Variants in LIPN observed in about 807,000 individuals in gnomAD.
The protein encoded by LIPN is lipase member N.
LIPN carries 32 observed loss-of-function variants against 43.7 expected under a neutral mutation model. The observed-to-expected ratio is 0.73, with a 90% confidence interval of 0.55 to 0.98. The LOEUF is 0.98. Among genes scored for constraint, LIPN ranks in the 50% least tolerant of loss-of-function variants. The probability of loss-of-function intolerance (pLI) is 0.00; values close to 1 mark genes in which losing one functional copy is unlikely to be tolerated. For missense variants in LIPN, 505 were observed against 483.8 expected (o/e 1.04, Z -0.41); for synonymous variants, 156 against 157.6 (o/e 0.99, Z 0.08).
In LIPN at chr10:88,770,959, T is replaced by C; in HGVS notation, c.787T>C (p.Trp263Arg). The change falls in exon 7 of 10, where the codon TGG (tryptophan) becomes CGG (arginine). Residue 263 changes from tryptophan (W) to arginine (R), a missense_variant. Trp to Arg is a moderately radical substitution (Grantham distance 101). Transcript: ENST00000404459. ...WLICSEFMSL[W>R]AGSNKKNMNQ... ...GATATGTAGCGAATTTATGTCCTTA[T>C]GGGCTGGATCCAACAAGAAAAATAT... 1.3e-6 allele frequency: 2 copies of C among 1,572,080 alleles called. No individual in the cohort carries two copies. The highest frequency in any genetic ancestry group is 1.7e-6 in the Non-Finnish European group (2 of 1,156,656).
intron 9 of LIPN, among the ~76,000 whole-genome samples, chr10:88,776,125 T>A (rs1034053900): frequency 6.6e-6 from 1 of 152,024 alleles, no homozygotes; most frequent in African/African-American, 2.4e-5. Flanking sequence ...AATCTAAATA[T>A]AGGACGTTTA....
chr10:88,775,231 G>A (rs1385140584), intron 9 of LIPN, 68 bp downstream of exon 9: 27 of 1,107,286 alleles, frequency 2.4e-5, no homozygotes, highest in South Asian at 4.5e-5. Context: ...ATTTGAGGGT[G>A]GAAAGACTCC....
chr10:88,771,051 T>C, intron 7 of LIPN, 60 bp downstream of exon 7: 1 of 1,335,744 alleles, frequency 7.5e-7, no homozygotes, highest in South Asian at 1.4e-5. Context: ...TTCCTTTGAC[T>C]CATTTTGATA....
intron 8 of LIPN, 21 bp from the exon 9 acceptor site, chr10:88,775,071 T>C (rs1843274393): frequency 1.3e-6 from 2 of 1,502,520 alleles, no homozygotes; most frequent in Non-Finnish European, 1.8e-6. Flanking sequence ...CTATTCTTTT[T>C]CTAAAAAACA....
At chr10:88,772,869 GAA>G (rs34954894) in intron 7 of LIPN, among the ~76,000 whole-genome samples, 4 of 140,440 alleles carry the variant, frequency 2.8e-5, no homozygotes, top group African/African-American at 7.9e-5. Flanking sequence ...AAAAAAGAAA[GAA>G]AAAAAAAACA....
chr10:88,766,829 T>A (rs540725293), intron 5 of LIPN, among the ~76,000 whole-genome samples: 1 of 152,054 alleles, frequency 6.6e-6, no homozygotes, highest in East Asian at 1.9e-4. Context: ...TTAAACAAAC[T>A]GAAAAGGCAT....
chr10:88,772,606 G>T (rs1030086188), intron 7 of LIPN, among the ~76,000 whole-genome samples: 4 of 151,744 alleles, frequency 2.6e-5, no homozygotes, highest in African/African-American at 9.7e-5. Flanking sequence ...CTGTTCCATT[G>T]GTCTATGTGT....
chr10:88,769,617 T>C (rs2134847964), intron 6 of LIPN: 4 of 980,438 alleles, frequency 4.1e-6, no homozygotes, highest in Non-Finnish European at 4.8e-6. Context: ...CTTGGGATGA[T>C]GGATAAAATG....
At chr10:88,763,508 C>G (rs1312217813) in intron 3 of LIPN, among the ~76,000 whole-genome samples, 1 of 151,962 alleles carries the variant, frequency 6.6e-6, no homozygotes, top group Non-Finnish European at 1.5e-5. Context: ...AACTTCTCAT[C>G]AACAATATGA....
In LIPN at chr10:88,770,868, CT is replaced by C. The variant is rs1843194488; in HGVS notation, c.701del (p.Leu234Ter). 2 of 1,527,478 alleles carry C rather than the reference CT, an allele frequency of 1.3e-6. No homozygotes were observed. The highest frequency in any genetic ancestry group is 1.8e-6 in the Non-Finnish European group (2 of 1,129,806). 94.6% of individuals were successfully genotyped at this position (1,527,478 alleles called of 1,614,324 possible). A position where few individuals can be genotyped will look rare whatever the true frequency, so the allele number is the denominator to read the frequency against. ...AGGCTGTTTTTGGTACCAAAGGTTTCTTTTTAGAAGATAAGAAAACGAAGAT... is the reference window on the plus strand; with the variant it reads ...AGGCTGTTTTTGGTACCAAAGGTTTCTTTTAGAAGATAAGAAAACGAAGAT... The part of the protein sequence containing the change: ...IKAVFGTKGF[F>X]LEDKKTKIAS... On this transcript the variant is annotated frameshift_variant, in exon 7 of 10. Transcript: ENST00000404459. LOFTEE classifies it high-confidence loss of function.
chr10:88,772,203 A>G (rs1176839606), intron 7 of LIPN, among the ~76,000 whole-genome samples: 1 of 151,656 alleles, frequency 6.6e-6, no homozygotes, highest in Non-Finnish European at 1.5e-5. Context: ...CTCATTCAAC[A>G]GGTTCTTTAG....
intron 9 of LIPN, among the ~76,000 whole-genome samples, chr10:88,777,505 C>T (rs931052427): frequency 1.3e-5 from 2 of 151,694 alleles, no homozygotes; most frequent in African/African-American, 2.4e-5. Flanking sequence ...CCCTTGTCTC[C>T]AAAACTTCCG....
chr10:88,759,465 T>G (rs1016718510), upstream of LIPN, among the ~76,000 whole-genome samples: 3 of 152,142 alleles, frequency 2.0e-5, no homozygotes, highest in African/African-American at 7.2e-5. Context: ...CTTTAACCAC[T>G]GGTGTAAACA....
At chr10:88,763,817 T>C (rs537432532) in intron 3 of LIPN, among the ~76,000 whole-genome samples, 151 of 152,090 alleles carry the variant, frequency 9.9e-4, no homozygotes, top group Middle Eastern at 3.4e-3. Context: ...GGACAGAGGA[T>C]GGGGATTTGA....
At chr10:88,759,019 A>G (rs1842960532), upstream of LIPN, among the ~76,000 whole-genome samples, 1 of 152,142 alleles carries the variant, frequency 6.6e-6, no homozygotes, top group Admixed American at 6.6e-5. Flanking sequence ...CCACATACCT[A>G]TGCCATCATA....
intron 6 of LIPN, among the ~76,000 whole-genome samples, chr10:88,769,307 C>G (rs1843165926): frequency 6.6e-6 from 1 of 151,884 alleles, no homozygotes; most frequent in Non-Finnish European, 1.5e-5. Flanking sequence ...CCCATAATCA[C>G]TGATGTGTCC....
At chr10:88,772,639 C>T (rs994887023) in intron 7 of LIPN, among the ~76,000 whole-genome samples, 2 of 151,758 alleles carry the variant, frequency 1.3e-5, no homozygotes, top group African/African-American at 2.4e-5. Context: ...CAGTATCATG[C>T]AGTTTTGATT....
At chr10:88,763,819 G>C (rs1322592302) in intron 3 of LIPN, among the ~76,000 whole-genome samples, 1 of 151,946 alleles carries the variant, frequency 6.6e-6, no homozygotes, top group Non-Finnish European at 1.5e-5. Flanking sequence ...ACAGAGGATG[G>C]GGATTTGAAT....
chr10:88,776,984 T>A (rs1843305756), intron 9 of LIPN, among the ~76,000 whole-genome samples: 1 of 152,062 alleles, frequency 6.6e-6, no homozygotes, highest in Admixed American at 6.6e-5. Context: ...CAAGTTATCA[T>A]TATGTCACTC....
Sources: gnomAD v4.1 joint callset for allele counts (sites outside exome capture counted in the v4.1 genomes callset) on GRCh38, gnomAD v4.1.1 for gene constraint, MANE v1.5 for transcripts, NCBI Gene and HGNC (gene_info 2026-07-23, HGNC 2026-07-21) for gene names.